The following GYPB variants were observed in gnomAD, a reference collection of about 807,000 sequenced individuals.
GYPB encodes the protein glycophorin-B.
In GYPB, 13 loss-of-function variants were observed where a neutral mutation model predicts 15.3. That is an observed-to-expected ratio of 0.85 (90% confidence interval 0.55 to 1.35). The LOEUF is 1.35. GYPB is among the 40% of genes most tolerant of loss of function. The pLI, the probability that GYPB is intolerant of heterozygous loss-of-function variation, is 0.00. For synonymous variants in GYPB, 38 were observed against 36.9 expected, an observed-to-expected ratio of 1.03 and a Z score of -0.11; for missense variants, 131 against 108.3, an observed-to-expected ratio of 1.21 and a Z score of -0.93.
At chr4:144,008,760 A>T (rs1351269576) in intron 1 of GYPB, among the ~76,000 whole-genome samples, 5 of 151,424 alleles carry the variant, frequency 3.3e-5, no homozygotes, top group Non-Finnish European at 5.9e-5. Context: ...ACTTCCTTTC[A>T]CTGGTTGAAC....
chr4:144,008,427 C>G lies in GYPB; in HGVS notation c.38-7144G>C, dbSNP rs751293974. The G allele has an allele frequency of 5.9e-5, 27 of 455,220 alleles. 1 individual carries two copies. Among genetic ancestry groups the G allele is most frequent in the Middle Eastern group, 6.5e-4 (2 of 3,092 alleles). The allele number at this position is 455,220 out of a possible 1,614,324, so 28.2% of individuals were successfully genotyped here. The stretch of plus-strand genomic sequence containing the variant: ...GCCTGAGGGTAGGAGTGTTGTACCT[C>G]TAACATAGCATTGTAGGGTGACCTG... On this transcript the variant is annotated intron_variant, in intron 1 of 4. Transcript: ENST00000502664.
In GYPB at chr4:143,996,304, C is replaced by T. The variant is rs574048862; in HGVS notation, c.271G>A (p.Ala91Thr). ...ISYSIRRLIKA is the reference protein window; with the variant it reads ...ISYSIRRLIKT The stretch of plus-strand genomic sequence containing the variant: ...GCAGCATGCAGGCCACATCCTCATG[C>T]CTGTGATAAAAAGACAAGAAGTTTC... The change falls in exon 5 of 5, where the codon GCA (alanine) becomes ACA (threonine). Residue 91 changes from alanine (A) to threonine (T), a missense_variant and splice_region_variant. By Grantham distance (58) the Ala-to-Thr change is moderately conservative. Transcript: ENST00000502664. The T allele has an allele frequency of 2.8e-5, 43 of 1,550,824 alleles. 1 individual carries two copies. The highest frequency in any genetic ancestry group is 1.7e-4 in the Middle Eastern group (1 of 5,984).
rs746530061 is a variant in GYPB at position 143,999,452 on chromosome 4, A to G, written c.137-3T>C. The G allele has an allele frequency of 7.5e-6, 11 of 1,471,254 alleles. No homozygotes were observed. The highest frequency in any genetic ancestry group is 3.4e-5 in the Admixed American group (2 of 58,404). 91.1% of individuals were successfully genotyped at this position (1,471,254 alleles called of 1,614,324 possible). On this transcript the variant is annotated splice_polypyrimidine_tract_variant and splice_region_variant and intron_variant, in intron 2 of 4. Coordinates refer to ENST00000502664, the MANE Select transcript of GYPB (RefSeq NM_002100.6). ...ATGGACAAGTTGTCCCGTTTCTCCT[A>G]TAAAGCAAAATTTCAATGTAAGTCC... is the stretch of plus-strand genomic sequence containing the variant.
intron 1 of GYPB, among the ~76,000 whole-genome samples, chr4:144,012,939 GAAAA>G (rs913532353): frequency 3.4e-5 from 4 of 118,934 alleles, no homozygotes; most frequent in African/African-American, 1.3e-4. Context: ...AGCAACAAAA[GAAAA>G]AAATAAATTG....
chr4:144,008,549 T>C (rs887705097), intron 1 of GYPB: 2 of 454,062 alleles, frequency 4.4e-6, no homozygotes, highest in African/African-American at 2.0e-5. Context: ...TATTCCAATC[T>C]GGTCACTCCT....
intron 1 of GYPB, among the ~76,000 whole-genome samples, chr4:144,015,952 A>G (rs561016385): frequency 6.6e-6 from 1 of 151,098 alleles, no homozygotes; most frequent in East Asian, 1.9e-4. Flanking sequence ...GTCATTTGTC[A>G]TTTGTCATTT....
intron 2 of GYPB, chr4:144,000,617 G>A (rs1275474038): frequency 6.5e-6 from 2 of 307,226 alleles, no homozygotes; most frequent in Non-Finnish European, 1.3e-5. Flanking sequence ...ACTAACAAGA[G>A]AGACTGCCAC....
chr4:143,998,772 T>C (rs1167609988), intron 3 of GYPB, among the ~76,000 whole-genome samples: 2 of 144,002 alleles, frequency 1.4e-5, no homozygotes, highest in Non-Finnish European at 3.0e-5. Flanking sequence ...GGAACTTCAC[T>C]TGTTTTATAA....
intron 4 of GYPB, chr4:143,997,295 A>C: frequency 2.7e-6 from 1 of 364,486 alleles, no homozygotes; most frequent in Non-Finnish European, 5.1e-6. Context: ...TTAGACAAAA[A>C]CTTAGGGAGA....
At chr4:144,001,979 A>C (rs187157625) in intron 1 of GYPB, among the ~76,000 whole-genome samples, 2,397 of 149,338 alleles carry the variant, frequency 0.016, 170 homozygotes, top group African/African-American at 0.055. Flanking sequence ...AAAAAAAAAA[A>C]AAAAAAAAAA....
Position 144,000,237 on chromosome 4 carries a change from A to G in GYPB, c.137-788T>C, listed in dbSNP as rs148598741. Reference sequence around the variant, plus strand: ...CTTCTCTTTCTTGGTCACAGTTAATAGTTGTGGGTGCTATATGGGCTTTGG... The same window carrying G: ...CTTCTCTTTCTTGGTCACAGTTAATGGTTGTGGGTGCTATATGGGCTTTGG... On this transcript the variant is annotated intron_variant, in intron 2 of 4. Coordinates refer to ENST00000502664, the MANE Select transcript of GYPB (RefSeq NM_002100.6). 4.9e-3 allele frequency: 912 copies of G among 187,630 alleles called. 40 individuals are homozygous for G. Among genetic ancestry groups the G allele is most frequent in the African/African-American group, 0.021 (854 of 41,268 alleles). The allele number at this position is 187,630 out of a possible 1,614,324, so 11.6% of individuals were successfully genotyped here.
chr4:143,995,919 T>G (rs1003373659), downstream of GYPB, among the ~76,000 whole-genome samples: 15 of 151,346 alleles, frequency 9.9e-5, no homozygotes, highest in Admixed American at 7.2e-4. Flanking sequence ...ATATTTCACA[T>G]GAGACTTCAT....
Position 144,001,752 on chromosome 4 carries a change from G to A in GYPB, c.38-469C>T, listed in dbSNP as rs1005725969. Reference sequence around the variant, plus strand: ...AAGTTGCATTTTGGAAACTGTCTATGCTAAGAAAGGTGGAAGCTCATAATA... The same window carrying A: ...AAGTTGCATTTTGGAAACTGTCTATACTAAGAAAGGTGGAAGCTCATAATA... On this transcript the variant is annotated intron_variant, in intron 1 of 4. Transcript: ENST00000502664. 5.8e-4 allele frequency among the ~76,000 whole-genome samples: 88 copies of A among 151,092 alleles called. 2 individuals are homozygous for A. Among genetic ancestry groups the A allele is most frequent in the Admixed American group, 3.9e-4 (6 of 15,224 alleles).
intron 2 of GYPB, among the ~76,000 whole-genome samples, chr4:143,999,866 A>G (rs191576048): frequency 2.6e-5 from 4 of 151,568 alleles, no homozygotes; most frequent in African/African-American, 9.8e-5. Flanking sequence ...GCGGCTATCA[A>G]TTTTCTGATT....
intron 1 of GYPB, among the ~76,000 whole-genome samples, chr4:144,001,618 G>A (rs769779840): frequency 2.0e-5 from 3 of 151,122 alleles, no homozygotes; most frequent in Non-Finnish European, 4.4e-5. Flanking sequence ...GTGTGTATGT[G>A]GTATGTGTGT....
chr4:143,997,803 C>A (rs903598150), intron 3 of GYPB, among the ~76,000 whole-genome samples, 169 bp from the exon 4 acceptor site: 8 of 151,184 alleles, frequency 5.3e-5, no homozygotes, highest in African/African-American at 7.4e-5. Flanking sequence ...TTTACAGTAA[C>A]CTTGTGGGAA....
chr4:144,010,264 G>C lies in GYPB; in HGVS notation c.38-8981C>G, dbSNP rs145367342. Among the ~76,000 whole-genome samples the C allele has an allele frequency of 8.3e-4, 126 of 151,268 alleles. 6 individuals carry two copies. Among genetic ancestry groups the C allele is most frequent in the African/African-American group, 2.9e-3 (118 of 40,618 alleles). Reference sequence around the variant, plus strand: ...GGATCCCTTGAGGCCAGGAGCTTGAGACCAGCCTGGGCAATATAGCAAGAC... The same window carrying C: ...GGATCCCTTGAGGCCAGGAGCTTGACACCAGCCTGGGCAATATAGCAAGAC... On this transcript the variant is annotated intron_variant, in intron 1 of 4. Transcript: ENST00000502664.
At chr4:144,018,086 G>T (rs970603471) in intron 1 of GYPB, among the ~76,000 whole-genome samples, 1 of 151,122 alleles carries the variant, frequency 6.6e-6, no homozygotes, top group Non-Finnish European at 1.5e-5. Flanking sequence ...TCTAATCATA[G>T]AAAATGCGTA....
intron 3 of GYPB, among the ~76,000 whole-genome samples, chr4:143,998,462 C>T (rs994150116): frequency 1.3e-5 from 2 of 150,516 alleles, no homozygotes; most frequent in African/African-American, 2.5e-5. Flanking sequence ...GTTGCCCAGC[C>T]TTCTTGACCA....
Sources: gnomAD v4.1 joint callset for allele counts (sites outside exome capture counted in the v4.1 genomes callset) on GRCh38, gnomAD v4.1.1 for gene constraint, MANE v1.5 for transcripts, NCBI Gene and HGNC (gene_info 2026-07-23, HGNC 2026-07-21) for gene names.